The following TGFB2 variants were observed in gnomAD, a reference collection of about 807,000 sequenced individuals.
TGFB2 encodes the protein transforming growth factor beta-2 proprotein.
A neutral mutation model predicts 42.7 loss-of-function variants in TGFB2; 13 were observed. That is an observed-to-expected ratio of 0.30 (90% CI 0.20 to 0.48). TGFB2 has a LOEUF of 0.48. Among genes scored for constraint, TGFB2 ranks in the 20% least tolerant of loss-of-function variants. The probability of loss-of-function intolerance (pLI) is 0.99; values close to 1 mark genes in which losing one functional copy is unlikely to be tolerated. For missense variants in TGFB2, 390 were observed against 517.5 expected, an observed-to-expected ratio of 0.75 and a Z score of 2.39; for synonymous variants, 193 against 193.6, an observed-to-expected ratio of 1.00 and a Z score of 0.03.
rs763063217 is a variant in TGFB2 at position 218,434,321 on chromosome 1, G to C, written c.644-17G>C. On this transcript the variant is annotated splice_polypyrimidine_tract_variant and intron_variant, in intron 3 of 6. Coordinates refer to ENST00000366930, the MANE Select transcript of TGFB2 (RefSeq NM_003238.6). ...AGACACACATACAAATGACCTCCTT[G>C]ACTTAATGTTTTCCAGACAGGAACC... The C allele has an allele frequency of 3.3e-5, 54 of 1,612,838 alleles. No homozygotes were observed. Among genetic ancestry groups the C allele is most frequent in the Non-Finnish European group, 4.4e-5 (52 of 1,179,142 alleles).
intron 1 of TGFB2, among the ~76,000 whole-genome samples, chr1:218,361,503 G>A (rs1657209232): frequency 6.6e-6 from 1 of 152,076 alleles, no homozygotes; most frequent in Non-Finnish European, 1.5e-5. Context: ...TCCCTCTTCT[G>A]CACCACGGCG....
intron 6 of TGFB2, among the ~76,000 whole-genome samples, chr1:218,438,383 G>T (rs1002153691): frequency 6.6e-6 from 1 of 152,136 alleles, no homozygotes; most frequent in Non-Finnish European, 1.5e-5. Flanking sequence ...GGGAGTGTGT[G>T]ATTATTAGTA....
At chr1:218,376,237 T>C (rs2102559649) in intron 1 of TGFB2, among the ~76,000 whole-genome samples, 1 of 152,300 alleles carries the variant, frequency 6.6e-6, no homozygotes, top group South Asian at 2.1e-4. Flanking sequence ...TTCTTTATCT[T>C]GTTAGGAGGG....
intron 2 of TGFB2, among the ~76,000 whole-genome samples, chr1:218,418,346 A>G (rs898059240): frequency 6.6e-6 from 1 of 152,200 alleles, no homozygotes; most frequent in Non-Finnish European, 1.5e-5. Flanking sequence ...TCAGACTTTC[A>G]TGGGGCCTAC....
rs886045987 is a variant in TGFB2, at chr1:218,442,977, T to C, written c.*1615T>C. On this transcript the variant is annotated 3_prime_UTR_variant, in exon 7 of 7. Coordinates refer to ENST00000366930, the MANE Select transcript of TGFB2 (RefSeq NM_003238.6). The stretch of plus-strand genomic sequence containing the variant: ...GAAACATCTTTTTCTTTAGTCAGGT[T>C]TTTAATATTCAGGGGGAAATTGAAA... The C allele has an allele frequency of 6.6e-6, 1 of 152,182 alleles. No individual in the cohort carries two copies. Among genetic ancestry groups the C allele is most frequent in the Non-Finnish European group, 1.5e-5 (1 of 68,024 alleles). 9.4% of individuals were successfully genotyped at this position (152,182 alleles called of 1,614,324 possible).
chr1:218,351,648 T>C (rs965163001), intron 1 of TGFB2, among the ~76,000 whole-genome samples: 1 of 152,108 alleles, frequency 6.6e-6, no homozygotes, highest in East Asian at 1.9e-4. Context: ...CCCCACCCGA[T>C]GAAAGAGGGG....
rs374394434 is a variant in TGFB2 at position 218,441,191 on chromosome 1, T to C, written c.1087-13T>C. ...TTTCCCTATGTTGTCTCTCCTCTCC[T>C]GTGTCCTTTCAGGTCCTGAGCTTAT... On this transcript the variant is annotated splice_polypyrimidine_tract_variant and intron_variant, in intron 6 of 6. Transcript: ENST00000366930. 1.9e-6 allele frequency: 3 copies of C among 1,600,236 alleles called. No individual in the cohort carries two copies. The highest frequency in any genetic ancestry group is 2.7e-5 in the African/African-American group (2 of 74,166).
chr1:218,346,584 C>CG lies in TGFB2; in HGVS notation c.-118_-117insG. On this transcript the variant is annotated 5_prime_UTR_variant, in exon 1 of 7. Transcript: ENST00000366930. This position sits in a 1 kb window ranked among gnomAD's most constrained non-coding sequence, Gnocchi z 4.9. ...TAGATTGTTTGCAAAAGTTTCGCATCAAAAACAACAACAACAAAAAACCAA... is the reference window on the plus strand; with the variant it reads ...TAGATTGTTTGCAAAAGTTTCGCATCGAAAAACAACAACAACAAAAAACCAA... 2.7e-6 allele frequency: 2 copies of CG among 744,518 alleles called. No individual in the cohort carries two copies. The highest frequency in any genetic ancestry group is 3.1e-5 in the East Asian group (1 of 32,002). 46.1% of individuals were successfully genotyped at this position (744,518 alleles called of 1,614,324 possible). A position where few individuals can be genotyped will look rare whatever the true frequency, so the allele number is the denominator to read the frequency against.
At chr1:218,378,440 G>A (rs1657827310) in intron 1 of TGFB2, among the ~76,000 whole-genome samples, 1 of 152,072 alleles carries the variant, frequency 6.6e-6, no homozygotes. Context: ...GCCTCCCAAA[G>A]TGCTGGGATT....
chr1:218,368,695 A>G (rs1187365550), intron 1 of TGFB2, among the ~76,000 whole-genome samples: 1 of 152,212 alleles, frequency 6.6e-6, no homozygotes, highest in Non-Finnish European at 1.5e-5. Flanking sequence ...AAGGGAGTGC[A>G]TGTAAGCAGA....
rs537760279 is a variant in TGFB2, at chr1:218,363,670, T to C, written c.346+16623T>C. Among the ~76,000 whole-genome samples, 3 of 152,300 alleles carry C rather than the reference T, an allele frequency of 2.0e-5. No homozygotes were observed. The East Asian group carries it at 5.8e-4, about 29-fold the overall frequency. The stretch of plus-strand genomic sequence containing the variant: ...AAGAATGACTTGTGGGGATGAGATA[T>C]GTGTTTTAGGGGTCACAGAGTGATT... On this transcript the variant is annotated intron_variant, in intron 1 of 6. Transcript: ENST00000366930.
Position 218,347,027 on chromosome 1 carries a change from C to T in TGFB2, c.326C>T (p.Pro109Leu). ...AAGGAGGTTTACAAAATAGACATGC[C>T]GCCCTTCTTCCCCTCCGAAAGTAAG... ...YAKEVYKIDM[P>L]PFFPSENAIP... The change falls in exon 1 of 7, where the codon CCG (proline) becomes CTG (leucine). Residue 109 changes from proline (P) to leucine (L), a missense_variant. Coordinates refer to ENST00000366930, the MANE Select transcript of TGFB2 (RefSeq NM_003238.6). The T allele has an allele frequency of 2.5e-6, 4 of 1,594,782 alleles. No individual in the cohort carries two copies. The highest frequency in any genetic ancestry group is 2.3e-5 in the East Asian group (1 of 44,084).
intron 1 of TGFB2, among the ~76,000 whole-genome samples, chr1:218,398,157 G>A (rs1235131499): frequency 1.3e-5 from 2 of 152,258 alleles, no homozygotes; most frequent in Non-Finnish European, 2.9e-5. Context: ...GTCACACATT[G>A]GTTCTCAAAC....
chr1:218,406,836 G>A (rs1422362948), intron 2 of TGFB2, among the ~76,000 whole-genome samples: 2 of 151,982 alleles, frequency 1.3e-5, no homozygotes, highest in Admixed American at 6.6e-5. Context: ...ACACTACAGA[G>A]GATTAAGAAA....
intron 1 of TGFB2, among the ~76,000 whole-genome samples, chr1:218,381,543 A>C (rs1657963152): frequency 6.6e-6 from 1 of 152,144 alleles, no homozygotes; most frequent in Admixed American, 6.6e-5. Context: ...TGTGAGCCAC[A>C]GCGCCCGACT....
chr1:218,347,181 CCCA>C, intron 1 of TGFB2, 134 bp downstream of exon 1: 1 of 710,892 alleles, frequency 1.4e-6, no homozygotes, highest in South Asian at 1.9e-5. Flanking sequence ...TGTCCTTCAC[CCCA>C]CCACCTCCTT....
chr1:218,438,675 A>G (rs973254992), intron 6 of TGFB2, among the ~76,000 whole-genome samples: 3 of 152,156 alleles, frequency 2.0e-5, no homozygotes, highest in South Asian at 2.1e-4. Context: ...TAATTCCCAG[A>G]TTGGATGGTA....
At chr1:218,369,256 GAAAAAAAAAAAAAAAA>G (rs34825461) in intron 1 of TGFB2, among the ~76,000 whole-genome samples, 40 of 35,658 alleles carry the variant, frequency 1.1e-3, no homozygotes, top group South Asian at 1.8e-3. Flanking sequence ...TTCCGTCTCA[GAAAAAAAAAAAAAAAA>G]AAAAAAAAAA....
chr1:218,370,360 A>T (rs1449707843), intron 1 of TGFB2, among the ~76,000 whole-genome samples: 1 of 152,222 alleles, frequency 6.6e-6, no homozygotes, highest in Admixed American at 6.5e-5. Context: ...GTGAGTTTGC[A>T]TGACTACTGT....
Sources: allele counts gnomAD v4.1 joint callset (sites outside exome capture counted in the v4.1 genomes callset), GRCh38; gene constraint gnomAD v4.1.1; non-coding constraint Gnocchi (gnomAD v3.1); transcripts MANE v1.5; gene names NCBI Gene and HGNC (gene_info 2026-07-23, HGNC 2026-07-21).